NCAM2: variants seen among roughly 807,000 people sequenced by gnomAD.
NCAM2 encodes neural cell adhesion molecule 2.
NCAM2 carries 30 observed loss-of-function variants against 98.1 expected under a neutral mutation model. The ratio of observed to expected loss-of-function variants is 0.31; its 90% CI spans 0.23 to 0.41. The LOEUF is 0.41. Among genes scored for constraint, NCAM2 ranks in the 10% least tolerant of loss-of-function variants. The probability of loss-of-function intolerance (pLI) is 1.00; values close to 1 mark genes in which losing one functional copy is unlikely to be tolerated. For synonymous variants in NCAM2, 368 were observed against 342.4 expected (o/e 1.07, Z -0.83); for missense variants, 867 against 1,005.8 (o/e 0.86, Z 1.87).
chr21:21,427,847 A>G (rs3787603), intron 11 of NCAM2, among the ~76,000 whole-genome samples: 29,202 of 152,140 alleles, frequency 0.19, 3,063 homozygotes, highest in East Asian at 0.32. Context: ...TAATAGAAGG[A>G]GGCTGATGAT....
intron 1 of NCAM2, among the ~76,000 whole-genome samples, chr21:21,273,889 G>A (rs774665345): frequency 6.6e-6 from 1 of 152,144 alleles, no homozygotes; most frequent in Non-Finnish European, 1.5e-5. Context: ...GTTTAGGCCG[G>A]GTGCGTTGGC....
intron 16 of NCAM2, among the ~76,000 whole-genome samples, chr21:21,518,699 GTCTTC>G (rs1395496926): frequency 6.6e-6 from 1 of 151,704 alleles, no homozygotes; most frequent in Non-Finnish European, 1.5e-5. Flanking sequence ...AATTTTATAA[GTCTTC>G]TCTTTTGCCC....
chr21:21,384,103 ATAT>A (rs1006657433), intron 9 of NCAM2, among the ~76,000 whole-genome samples: 31 of 152,080 alleles, frequency 2.0e-4, no homozygotes, highest in African/African-American at 7.2e-4. Flanking sequence ...AATTTGAAAG[ATAT>A]TATAACTTTA....
At chr21:21,335,005 A>G (rs192079870) in intron 6 of NCAM2, among the ~76,000 whole-genome samples, 158 of 152,222 alleles carry the variant, frequency 1.0e-3, no homozygotes, top group African/African-American at 3.5e-3. Context: ...TTACTATTTT[A>G]TTGGCAGTAC....
chr21:21,485,441 GAC>G (rs1203277272), intron 15 of NCAM2, among the ~76,000 whole-genome samples: 1 of 152,092 alleles, frequency 6.6e-6, no homozygotes, highest in Non-Finnish European at 1.5e-5. Flanking sequence ...AAATATTATA[GAC>G]ACTCCTTTAA....
chr21:21,501,274 T>G (rs233773), intron 15 of NCAM2, among the ~76,000 whole-genome samples: 125,313 of 151,912 alleles, frequency 0.82, 51,822 homozygotes, highest in Middle Eastern at 0.92. Context: ...GGTTTTTAAA[T>G]TAGTGCAATG....
At chr21:21,349,299 C>T (rs893077748) in intron 8 of NCAM2, among the ~76,000 whole-genome samples, 3 of 152,080 alleles carry the variant, frequency 2.0e-5, no homozygotes, top group South Asian at 4.2e-4. Flanking sequence ...AAAGAAGATA[C>T]ACAAATGGCA....
intron 9 of NCAM2, among the ~76,000 whole-genome samples, chr21:21,409,641 A>T (rs1325320330): frequency 6.6e-6 from 1 of 152,230 alleles, no homozygotes; most frequent in Non-Finnish European, 1.5e-5. Context: ...ACAAGTAGAT[A>T]GTCATTAACA....
chr21:21,452,243 A>G (rs1981224755), intron 12 of NCAM2, among the ~76,000 whole-genome samples: 1 of 151,030 alleles, frequency 6.6e-6, no homozygotes, highest in Admixed American at 6.7e-5. Flanking sequence ...ACATATACAT[A>G]TGTGTATATG....
At chr21:21,002,440 T>A (rs2064036117) in intron 1 of NCAM2, among the ~76,000 whole-genome samples, 1 of 152,138 alleles carries the variant, frequency 6.6e-6, no homozygotes, top group South Asian at 2.1e-4. Flanking sequence ...AAAATAGGAC[T>A]AGTTTGCAAT....
chr21:21,144,228 A>G (rs1388632365), intron 1 of NCAM2, among the ~76,000 whole-genome samples: 1 of 151,954 alleles, frequency 6.6e-6, no homozygotes, highest in African/African-American at 2.4e-5. Flanking sequence ...GCATGCCTGT[A>G]ATCCCTGCTA....
At chr21:21,530,599 A>C (rs1321295672) in intron 16 of NCAM2, among the ~76,000 whole-genome samples, 2 of 151,464 alleles carry the variant, frequency 1.3e-5, no homozygotes, top group Non-Finnish European at 3.0e-5. Context: ...ACATATATAC[A>C]TATATAAATT....
intron 5 of NCAM2, among the ~76,000 whole-genome samples, chr21:21,318,044 A>G (rs17805396): frequency 0.16 from 23,800 of 152,182 alleles, 2,276 homozygotes; most frequent in Middle Eastern, 0.3. Context: ...GCACAATCCA[A>G]TAGCTGACTT....
intron 15 of NCAM2, among the ~76,000 whole-genome samples, chr21:21,499,545 A>T (rs1434639951): frequency 3.9e-5 from 6 of 152,092 alleles, no homozygotes; most frequent in South Asian, 2.1e-4. Context: ...CTGGCCAATA[A>T]CAATAAATTT....
chr21:21,166,955 C>T (rs1025344387), intron 1 of NCAM2, among the ~76,000 whole-genome samples: 26 of 152,196 alleles, frequency 1.7e-4, no homozygotes, highest in African/African-American at 5.1e-4. Context: ...TATTGATAAC[C>T]TGTATACAAA....
intron 1 of NCAM2, among the ~76,000 whole-genome samples, chr21:21,031,783 C>CT (rs1473424804): frequency 6.9e-6 from 1 of 145,294 alleles, no homozygotes; most frequent in East Asian, 2.1e-4. Flanking sequence ...ATATATCTCT[C>CT]TCTCTCAATC....
At chr21:21,136,826 ACAC>A (rs2067065112) in intron 1 of NCAM2, among the ~76,000 whole-genome samples, 1 of 152,034 alleles carries the variant, frequency 6.6e-6, no homozygotes, top group African/African-American at 2.4e-5. Flanking sequence ...CCGGTTGCAG[ACAC>A]CATGCAAAGC....
chr21:21,512,712 A>G (rs1038556075), intron 16 of NCAM2, among the ~76,000 whole-genome samples: 2 of 152,114 alleles, frequency 1.3e-5, no homozygotes, highest in Non-Finnish European at 2.9e-5. Flanking sequence ...TATTGTTTTA[A>G]TCCACCAACA....
In NCAM2 at chr21:21,180,508, T is replaced by C. The variant is rs75476211; in HGVS notation, c.56-100070T>C. On this transcript the variant is annotated intron_variant, in intron 1 of 17. Transcript: ENST00000400546. The stretch of plus-strand genomic sequence containing the variant: ...TTTGTGAGATGAGATTATAGTCAAA[T>C]AGGTAAATCTACCTCCTGTTAACTA... Among the ~76,000 whole-genome samples, 43 of 152,276 alleles carry C rather than the reference T, an allele frequency of 2.8e-4. No individual in the cohort carries two copies. In the East Asian group the frequency reaches 7.9e-3, roughly 28 times the overall value.
Sources: gnomAD v4.1 joint callset for allele counts (sites outside exome capture counted in the v4.1 genomes callset) on GRCh38, gnomAD v4.1.1 for gene constraint, MANE v1.5 for transcripts, NCBI Gene and HGNC (gene_info 2026-07-23, HGNC 2026-07-21) for gene names.